Variants in CDH13 observed in about 807,000 individuals in gnomAD.
The protein encoded by CDH13 is cadherin 13, also known as cadherin-13.
In CDH13, 24 loss-of-function variants were observed where a neutral mutation model predicts 63.8. The ratio of observed to expected loss-of-function variants is 0.38; its 90% CI spans 0.27 to 0.53. The LOEUF (loss-of-function observed/expected upper bound fraction) is 0.53, where lower values mean the gene tolerates loss of function less well. Ranked by LOEUF, CDH13 falls within the 20% of genes least tolerant of loss-of-function variation. The pLI, the probability that CDH13 is intolerant of heterozygous loss-of-function variation, is 0.85. For missense variants in CDH13, 1,049 were observed against 903.1 expected (o/e 1.16, Z -2.07); for synonymous variants, 503 against 355.3 (o/e 1.42, Z -4.67).
chr16:82,781,699 C>T lies in CDH13; in HGVS notation c.46-76663C>T, dbSNP rs2035762419. 2.0e-5 allele frequency among the ~76,000 whole-genome samples: 3 copies of T among 152,328 alleles called. No individual in the cohort carries two copies. In the South Asian group the frequency reaches 6.2e-4, roughly 32 times the overall value. ...ACATATCCACCCACTTACCTCCCCT[C>T]TCATCCATCAATATAGCCTTGTATC... On this transcript the variant is annotated intron_variant, in intron 1 of 13. Transcript: ENST00000567109.
chr16:83,517,685 G>A (rs575670531), intron 7 of CDH13, among the ~76,000 whole-genome samples: 1 of 152,268 alleles, frequency 6.6e-6, no homozygotes, highest in Admixed American at 6.5e-5. Context: ...AATGTGAACT[G>A]GTTGACAAGC....
intron 1 of CDH13, among the ~76,000 whole-genome samples, chr16:82,679,026 G>C (rs1392396536): frequency 6.6e-6 from 1 of 152,126 alleles, no homozygotes; most frequent in Admixed American, 6.5e-5. Flanking sequence ...GGGCAGCTGA[G>C]GCACACTCCT....
At chr16:83,467,518 G>C (rs1348621675) in intron 6 of CDH13, among the ~76,000 whole-genome samples, 1 of 144,786 alleles carries the variant, frequency 6.9e-6, no homozygotes, top group Non-Finnish European at 1.5e-5. Flanking sequence ...TAGAAAACGT[G>C]TCTGTTTTTA....
At chr16:83,096,864 G>A (rs2151593562) in intron 3 of CDH13, among the ~76,000 whole-genome samples, 1 of 152,194 alleles carries the variant, frequency 6.6e-6, no homozygotes, top group South Asian at 2.1e-4. Context: ...CTGAGTTTTT[G>A]TTTAAAGGAA....
At chr16:82,876,259 C>G (rs774383699) in intron 2 of CDH13, among the ~76,000 whole-genome samples, 2 of 152,182 alleles carry the variant, frequency 1.3e-5, no homozygotes, top group Non-Finnish European at 2.9e-5. Context: ...CCCATCATTA[C>G]TTGTATCTCT....
intron 10 of CDH13, among the ~76,000 whole-genome samples, chr16:83,696,590 T>G (rs1905441371): frequency 6.6e-6 from 1 of 152,176 alleles, no homozygotes; most frequent in Non-Finnish European, 1.5e-5. Context: ...ACCCTAAAGT[T>G]ATAAAGATGC....
intron 7 of CDH13, among the ~76,000 whole-genome samples, chr16:83,580,196 G>A (rs551330095): frequency 2.6e-5 from 4 of 152,246 alleles, no homozygotes; most frequent in Middle Eastern, 3.4e-3. Flanking sequence ...GTGTAGCAGA[G>A]TGATTGGCAT....
intron 1 of CDH13, among the ~76,000 whole-genome samples, chr16:82,710,552 A>ATATATATATATATATATATATAT (rs1555537841): frequency 1.6e-5 from 1 of 63,764 alleles, no homozygotes; most frequent in Non-Finnish European, 3.0e-5. Context: ...AAAAAAAAAA[A>ATATATATATATATATATATATAT]ATATATATAT....
chr16:83,766,596 C>A (rs1914405247), intron 11 of CDH13, among the ~76,000 whole-genome samples: 1 of 152,158 alleles, frequency 6.6e-6, no homozygotes. Flanking sequence ...CTGGGCCTAC[C>A]TCTGGGAAGA....
At chr16:82,723,890 C>G (rs957870818) in intron 1 of CDH13, among the ~76,000 whole-genome samples, 11 of 152,080 alleles carry the variant, frequency 7.2e-5, no homozygotes, top group African/African-American at 7.2e-5. Context: ...TCAGTCTTAC[C>G]TGTTATTTTT....
At chr16:83,302,872 G>A (rs2089782324) in intron 5 of CDH13, among the ~76,000 whole-genome samples, 1 of 152,196 alleles carries the variant, frequency 6.6e-6, no homozygotes, top group Non-Finnish European at 1.5e-5. Flanking sequence ...CTAAACTTCA[G>A]TGAGAAAATA....
At chr16:82,787,602 T>A (rs967165178) in intron 1 of CDH13, among the ~76,000 whole-genome samples, 4 of 152,220 alleles carry the variant, frequency 2.6e-5, no homozygotes, top group Admixed American at 2.6e-4. Flanking sequence ...CACTTCAGAA[T>A]TAGCCTATGA....
chr16:83,644,583 T>C (rs77796121), intron 8 of CDH13, among the ~76,000 whole-genome samples: 1 of 152,346 alleles, frequency 6.6e-6, no homozygotes, highest in East Asian at 1.9e-4. Flanking sequence ...CCTTCACTTT[T>C]GTCATCCCTC....
chr16:83,028,963 T>C (rs945269294), intron 2 of CDH13, among the ~76,000 whole-genome samples: 4 of 152,200 alleles, frequency 2.6e-5, no homozygotes, highest in African/African-American at 9.6e-5. Flanking sequence ...TCCTGGCTCA[T>C]CATTTACAAC....
At chr16:83,287,565 A>G (rs1172224756) in intron 5 of CDH13, among the ~76,000 whole-genome samples, 1 of 152,192 alleles carries the variant, frequency 6.6e-6, no homozygotes, top group African/African-American at 2.4e-5. Flanking sequence ...TGAGAATCTA[A>G]TGCCTGATGG....
chr16:83,307,543 T>G (rs1358632790), intron 5 of CDH13, among the ~76,000 whole-genome samples: 2 of 152,220 alleles, frequency 1.3e-5, no homozygotes, highest in Non-Finnish European at 2.9e-5. Context: ...CACCAAATCC[T>G]TCAGGGCCAG....
rs1297337301 is a variant in CDH13 at position 83,796,782 on chromosome 16, C to T, written c.*1752C>T. ...AGCATGGGCCATGGACTCATCTTGT[C>T]CACCTCATGATATGATCTGAGGGTG... is the stretch of plus-strand genomic sequence containing the variant. On this transcript the variant is annotated 3_prime_UTR_variant, in exon 14 of 14. Transcript: ENST00000567109. The T allele has an allele frequency of 6.6e-6, 1 of 152,132 alleles. No individual in the cohort carries two copies. The highest frequency in any genetic ancestry group is 1.5e-5 in the Non-Finnish European group (1 of 68,032). The allele number at this position is 152,132 out of a possible 1,614,324, so 9.4% of individuals were successfully genotyped here.
intron 2 of CDH13, among the ~76,000 whole-genome samples, chr16:82,980,185 G>C (rs926378556): frequency 6.6e-6 from 1 of 152,162 alleles, no homozygotes; most frequent in East Asian, 1.9e-4. Context: ...GCCACCTGAC[G>C]TGTCTGAGAC....
intron 5 of CDH13, among the ~76,000 whole-genome samples, chr16:83,262,489 G>A (rs1020373166): frequency 6.6e-6 from 1 of 152,096 alleles, no homozygotes; most frequent in Non-Finnish European, 1.5e-5. Context: ...GAAGCACCTG[G>A]GGTTTTTCTA....
Sources: allele counts gnomAD v4.1 joint callset (sites outside exome capture counted in the v4.1 genomes callset), GRCh38; gene constraint gnomAD v4.1.1; transcripts MANE v1.5; gene names NCBI Gene and HGNC (gene_info 2026-07-23, HGNC 2026-07-21).